The following ZNF385D variants were observed in gnomAD, a reference collection of about 807,000 sequenced individuals.
ZNF385D encodes zinc finger protein 659.
A neutral mutation model predicts 35.8 loss-of-function variants in ZNF385D; 15 were observed. The ratio of observed to expected loss-of-function variants is 0.42; its 90% confidence interval spans 0.28 to 0.64. ZNF385D has a LOEUF of 0.64. Ranked by LOEUF, ZNF385D falls within the 30% of genes least tolerant of loss-of-function variation. ZNF385D has a pLI of 0.23. For missense variants in ZNF385D, 474 were observed against 494.6 expected (o/e 0.96, Z 0.39); for synonymous variants, 212 against 186.8 (o/e 1.13, Z -1.10).
intron 2 of ZNF385D, among the ~76,000 whole-genome samples, chr3:21,627,246 G>GGTGTGTGTGTGTGTGTGTGT: frequency 7.2e-6 from 1 of 139,424 alleles, no homozygotes; most frequent in South Asian, 2.4e-4. Flanking sequence ...AGAGGTGTAG[G>GGTGTGTGTGTGTGTGTGTGT]GTGTGTGTGT....
At chr3:21,865,175 C>G (rs531744726) in intron 3 of ZNF385D, among the ~76,000 whole-genome samples, 1 of 145,254 alleles carries the variant, frequency 6.9e-6, no homozygotes, top group Non-Finnish European at 1.5e-5. Context: ...TATAATAGAA[C>G]TACAAGTAAT....
chr3:21,868,961 A>C (rs543176396), intron 3 of ZNF385D, among the ~76,000 whole-genome samples: 2 of 152,216 alleles, frequency 1.3e-5, no homozygotes, highest in South Asian at 4.1e-4. Context: ...CAGATTGCCT[A>C]AAACACAGAA....
At chr3:21,801,486 T>G (rs1305632923) in intron 3 of ZNF385D, among the ~76,000 whole-genome samples, 1 of 152,150 alleles carries the variant, frequency 6.6e-6, no homozygotes, top group Non-Finnish European at 1.5e-5. Context: ...GATTAACAAG[T>G]CAATCTCTTT....
chr3:21,484,390 G>T (rs565903645), intron 4 of ZNF385D, among the ~76,000 whole-genome samples: 1 of 152,296 alleles, frequency 6.6e-6, no homozygotes, highest in Admixed American at 6.5e-5. Flanking sequence ...TGGACACCAT[G>T]CACTGCACAA....
At chr3:22,090,926 T>C (rs1701298736) in intron 3 of ZNF385D, among the ~76,000 whole-genome samples, 1 of 152,108 alleles carries the variant, frequency 6.6e-6, no homozygotes, top group South Asian at 2.1e-4. Flanking sequence ...AGTGTGAAGT[T>C]ACAGCATGCT....
rs1575764632 is a variant in ZNF385D, at chr3:21,845,587, T to C, written c.326-180559A>G. On this transcript the variant is annotated intron_variant, in intron 3 of 5. Transcript: ENST00000494108. ...ACTTAATCTAGAAAACCTCTCAACA[T>C]TGCAATCCCTCCTAGAAGGACTTTC... Among the ~76,000 whole-genome samples, 3 of 152,102 alleles carry C rather than the reference T, an allele frequency of 2.0e-5. No individual in the cohort carries two copies. The South Asian group carries it at 6.2e-4, about 32-fold the overall frequency.
intron 3 of ZNF385D, among the ~76,000 whole-genome samples, chr3:21,538,498 T>C (rs1036441136): frequency 5.3e-5 from 8 of 152,170 alleles, no homozygotes; most frequent in African/African-American, 1.9e-4. Flanking sequence ...AACTTGGTTC[T>C]GTACATAAAA....
chr3:21,914,892 T>C (rs1346245876), intron 3 of ZNF385D, among the ~76,000 whole-genome samples: 1 of 151,570 alleles, frequency 6.6e-6, no homozygotes, highest in African/African-American at 2.4e-5. Context: ...CCAAGACAGA[T>C]TTGGACACTA....
At chr3:22,083,676 G>A (rs901259505) in intron 3 of ZNF385D, among the ~76,000 whole-genome samples, 13 of 152,186 alleles carry the variant, frequency 8.5e-5, no homozygotes, top group African/African-American at 3.1e-4. Context: ...TTATCCAAGA[G>A]AAATTCCCCA....
chr3:22,157,401 TAA>T (rs1471947959), intron 3 of ZNF385D, among the ~76,000 whole-genome samples: 1 of 151,718 alleles, frequency 6.6e-6, no homozygotes, highest in Non-Finnish European at 1.5e-5. Flanking sequence ...CTTCCTCCTA[TAA>T]GACAGGAATT....
At chr3:21,837,613 C>T (rs1292032720) in intron 3 of ZNF385D, among the ~76,000 whole-genome samples, 1 of 152,022 alleles carries the variant, frequency 6.6e-6, no homozygotes, top group Non-Finnish European at 1.5e-5. Flanking sequence ...GTGGCTCACA[C>T]CTGTAATCTT....
At chr3:21,800,465 C>T (rs1424031051) in intron 3 of ZNF385D, among the ~76,000 whole-genome samples, 3 of 152,002 alleles carry the variant, frequency 2.0e-5, no homozygotes, top group Admixed American at 1.3e-4. Flanking sequence ...AGTTGAACAT[C>T]TAGTAGGTTA....
chr3:21,490,566 A>C (rs2125404838), intron 4 of ZNF385D, among the ~76,000 whole-genome samples: 1 of 152,254 alleles, frequency 6.6e-6, no homozygotes, highest in East Asian at 1.9e-4. Flanking sequence ...ATACAGCTTC[A>C]GCCTAGCTGT....
intron 2 of ZNF385D, among the ~76,000 whole-genome samples, chr3:22,204,723 C>A (rs966587549): frequency 4.6e-5 from 7 of 151,810 alleles, no homozygotes; most frequent in Admixed American, 3.9e-4. Context: ...AACTGATATA[C>A]TGAAAAATGC....
At chr3:22,032,482 C>T (rs1320237458) in intron 3 of ZNF385D, among the ~76,000 whole-genome samples, 1 of 152,116 alleles carries the variant, frequency 6.6e-6, no homozygotes, top group African/African-American at 2.4e-5. Flanking sequence ...TAATCACCAC[C>T]CACCAGGTTC....
intron 2 of ZNF385D, among the ~76,000 whole-genome samples, chr3:22,260,277 G>C (rs1016465878): frequency 6.6e-6 from 1 of 151,968 alleles, no homozygotes; most frequent in Non-Finnish European, 1.5e-5. Context: ...TCATAAGTGG[G>C]AGTTGAACAA....
chr3:21,891,759 G>C (rs745681865), intron 3 of ZNF385D, among the ~76,000 whole-genome samples: 1 of 152,160 alleles, frequency 6.6e-6, no homozygotes, highest in African/African-American at 2.4e-5. Context: ...TGAGGTGGTA[G>C]TCTATTGTCA....
At chr3:22,336,909 CAAAAAAAAAAAAAAA>C (rs59822476) in intron 2 of ZNF385D, among the ~76,000 whole-genome samples, 8 of 47,952 alleles carry the variant, frequency 1.7e-4, no homozygotes, top group African/African-American at 3.2e-4. Context: ...AGTGATTTTT[CAAAAAAAAAAAAAAA>C]AAAAAAAAAA....
At chr3:21,518,160 C>T (rs1488921419) in intron 3 of ZNF385D, among the ~76,000 whole-genome samples, 1 of 152,102 alleles carries the variant, frequency 6.6e-6, no homozygotes, top group Non-Finnish European at 1.5e-5. Flanking sequence ...AATGTATAAT[C>T]ATTTGAAGAT....
Sources: gnomAD v4.1 joint callset for allele counts (sites outside exome capture counted in the v4.1 genomes callset) on GRCh38, gnomAD v4.1.1 for gene constraint, MANE v1.5 for transcripts, NCBI Gene and HGNC (gene_info 2026-07-23, HGNC 2026-07-21) for gene names.